Variants in CCDC146 observed in about 807,000 individuals in gnomAD.
The protein encoded by CCDC146 is coiled-coil domain-containing protein 146.
A neutral mutation model predicts 119.3 loss-of-function variants in CCDC146; 92 were observed. The observed-to-expected ratio is 0.77, with a 90% confidence interval of 0.65 to 0.92. CCDC146 has a LOEUF of 0.92. Among genes scored for constraint, CCDC146 ranks in the 40% least tolerant of loss-of-function variants. The probability of loss-of-function intolerance (pLI) is 0.00; values close to 1 mark genes in which losing one functional copy is unlikely to be tolerated. For synonymous variants in CCDC146, 372 were observed against 371.8 expected, an observed-to-expected ratio of 1.00 and a Z score of -0.01; for missense variants, 1,000 against 1,103.0, an observed-to-expected ratio of 0.91 and a Z score of 1.32.
chr7:77,295,004 A>C lies in CCDC146; in HGVS notation c.*138A>C, dbSNP rs1285527174. On this transcript the variant is annotated 3_prime_UTR_variant, in exon 19 of 19. Coordinates refer to ENST00000285871, the MANE Select transcript of CCDC146 (RefSeq NM_020879.3). ...CCACAATTAGTCAGCAACAGAGTAC[A>C]ACAGGGTTTCTATTTACCCACCAAC... is the stretch of plus-strand genomic sequence containing the variant. The C allele has an allele frequency of 4.4e-6, 3 of 679,558 alleles. No homozygotes were observed. The highest frequency in any genetic ancestry group is 4.0e-4 in the Middle Eastern group (1 of 2,470). The allele number at this position is 679,558 out of a possible 1,614,324, so 42.1% of individuals were successfully genotyped here.
chr7:77,267,580 C>G (rs1334534396), intron 9 of CCDC146, among the ~76,000 whole-genome samples: 1 of 151,668 alleles, frequency 6.6e-6, no homozygotes, highest in African/African-American at 2.4e-5. Flanking sequence ...CTTTAGACCC[C>G]TGTTCATCAC....
chr7:77,141,325 G>A (rs539950963), intron 1 of CCDC146, among the ~76,000 whole-genome samples: 3 of 152,222 alleles, frequency 2.0e-5, no homozygotes, highest in East Asian at 3.9e-4. Context: ...TCACTGATGG[G>A]CATTTGGGTT....
At chr7:77,201,679 G>A (rs1230643430) in intron 2 of CCDC146, among the ~76,000 whole-genome samples, 1 of 151,418 alleles carries the variant, frequency 6.6e-6, no homozygotes, top group Non-Finnish European at 1.5e-5. Flanking sequence ...CACACCTTAT[G>A]ACTTTTTTTC....
At chr7:77,157,291 T>C (rs968479865) in intron 1 of CCDC146, among the ~76,000 whole-genome samples, 4 of 128,722 alleles carry the variant, frequency 3.1e-5, no homozygotes, top group Non-Finnish European at 6.5e-5. Context: ...AAACCTGTGC[T>C]TGTTCAATGA....
At chr7:77,195,840 A>T (rs547010243) in intron 2 of CCDC146, 1 of 156,834 alleles carries the variant, frequency 6.4e-6, no homozygotes, top group African/African-American at 2.4e-5. Context: ...TATTTTTAAT[A>T]GAGACAGCGT....
intron 2 of CCDC146, among the ~76,000 whole-genome samples, chr7:77,211,818 G>A (rs1026093732): frequency 2.6e-5 from 4 of 152,026 alleles, no homozygotes; most frequent in African/African-American, 9.7e-5. Context: ...GTTTCACCAT[G>A]TTGGCCAGTC....
At chr7:77,215,361 T>A (rs530754784) in intron 2 of CCDC146, among the ~76,000 whole-genome samples, 3 of 152,056 alleles carry the variant, frequency 2.0e-5, no homozygotes, top group South Asian at 4.1e-4. Context: ...CTTGGGTAGA[T>A]TTTTTGCTTT....
Position 77,280,473 on chromosome 7 carries a change from T to C in CCDC146, c.1739T>C (p.Ile580Thr). ...CTGAAACACGCCAACAATGTTACCA[T>C]CAGAGAGAGCATGCAAAACGATGTG... ...SMLKHANNVT[I>T]RESMQNDVRK... Residue 580 changes from isoleucine (I) to threonine (T), a missense_variant, in exon 14 of 19, where the codon ATC becomes ACC. Coordinates refer to ENST00000285871, the MANE Select transcript of CCDC146 (RefSeq NM_020879.3). The C allele has an allele frequency of 1.2e-6, 2 of 1,614,024 alleles. No homozygotes were observed. The highest frequency in any genetic ancestry group is 1.7e-6 in the Non-Finnish European group (2 of 1,179,990).
intron 2 of CCDC146, among the ~76,000 whole-genome samples, chr7:77,180,294 A>C (rs757140013): frequency 4.0e-4 from 59 of 148,188 alleles, no homozygotes; most frequent in Middle Eastern, 3.4e-3. Flanking sequence ...ACACACACAC[A>C]CCCCATATTT....
At position 77,294,756 on chromosome 7, in the gene CCDC146, A is replaced by C. The variant is rs1183245649; in HGVS notation, c.2758A>C (p.Thr920Pro). ...PNAYIPEADA[T>P]LPLPKPYGAL... ...TGCCTACATCCCAGAAGCAGATGCC[A>C]CTCTTCCTTTGCCAAAACCTTATGG... The change falls in exon 19 of 19, where the codon ACT (threonine) becomes CCT (proline). Residue 920 changes from threonine (T) to proline (P), a missense_variant. This residue lies in a region of CCDC146 where 985 missense variants were observed against 1,045.3 expected (regional missense o/e 0.94). Transcript: ENST00000285871. The C allele has an allele frequency of 1.2e-6, 2 of 1,613,974 alleles. No individual in the cohort carries two copies. Among genetic ancestry groups the C allele is most frequent in the South Asian group, 2.2e-5 (2 of 91,058 alleles).
At chr7:77,292,796 C>T (rs1472755013) in intron 17 of CCDC146, among the ~76,000 whole-genome samples, 156 bp from the exon 18 acceptor site, 2 of 152,126 alleles carry the variant, frequency 1.3e-5, no homozygotes, top group Non-Finnish European at 2.9e-5. Flanking sequence ...TCAATATCTG[C>T]AGTCTCTTCC....
In CCDC146 at chr7:77,241,804, C is replaced by T. The variant is rs201656358; in HGVS notation, c.353C>T (p.Thr118Met). ...QADNFPEAFS[T>M]EVSKMREQLL... ...GATAATTTTCCAGAAGCATTCTCCACGGAGGTCTCCAAAATGAGAGAACAA... is the reference window on the plus strand; with the variant it reads ...GATAATTTTCCAGAAGCATTCTCCATGGAGGTCTCCAAAATGAGAGAACAA... The change falls in exon 4 of 19, where the codon ACG (threonine) becomes ATG (methionine). Residue 118 changes from threonine to methionine, a missense_variant. By Grantham distance (81) the Thr-to-Met change is moderately conservative (BLOSUM62 -1). This residue lies in a region of CCDC146 where 985 missense variants were observed against 1,045.3 expected (regional missense o/e 0.94). Coordinates refer to ENST00000285871, the MANE Select transcript of CCDC146 (RefSeq NM_020879.3). The T allele has an allele frequency of 6.9e-5, 111 of 1,613,806 alleles. No individual in the cohort carries two copies. The highest frequency in any genetic ancestry group is 2.0e-4 in the East Asian group (9 of 44,892).
chr7:77,276,831 G>C lies in CCDC146; in HGVS notation c.1441-1921G>C, dbSNP rs569013874. On this transcript the variant is annotated intron_variant, in intron 11 of 18. Transcript: ENST00000285871. ...CACGCCTGTAATCCCAACACGTTGG[G>C]AGGCCAAGGCGGGTGGATCACCTGA... 1.6e-4 allele frequency among the ~76,000 whole-genome samples: 24 copies of C among 152,314 alleles called. No homozygotes were observed. The South Asian group carries it at 4.8e-3, about 30-fold the overall frequency.
chr7:77,196,853 C>T lies in CCDC146; in HGVS notation c.156+29029C>T, dbSNP rs1791881615. Reference sequence around the variant, plus strand: ...ACGTGCCTGCAGCACTGTCCAGCCTCCCCCCATGGTCTCCATGTCACAGTA... The same window carrying T: ...ACGTGCCTGCAGCACTGTCCAGCCTTCCCCCATGGTCTCCATGTCACAGTA... On this transcript the variant is annotated intron_variant, in intron 2 of 18. Coordinates refer to ENST00000285871, the MANE Select transcript of CCDC146 (RefSeq NM_020879.3). This position sits in a 1 kb window ranked among gnomAD's most constrained non-coding sequence, Gnocchi z 4.2. 1 of 1,613,778 alleles carries T rather than the reference C, an allele frequency of 6.2e-7. No individual in the cohort carries two copies. The highest frequency in any genetic ancestry group is 8.5e-7 in the Non-Finnish European group (1 of 1,179,882).
At chr7:77,128,747 T>C (rs939527814) in intron 1 of CCDC146, among the ~76,000 whole-genome samples, 1 of 152,128 alleles carries the variant, frequency 6.6e-6, no homozygotes, top group Non-Finnish European at 1.5e-5. Context: ...AAGAGAACAC[T>C]GTCTCTCTGA....
intron 2 of CCDC146, 124 bp from the exon 3 acceptor site, chr7:77,236,823 A>C: frequency 1.4e-6 from 1 of 702,570 alleles, no homozygotes; most frequent in South Asian, 1.7e-5. Flanking sequence ...AGTACACTAC[A>C]TTGCCTCGTG....
chr7:77,266,228 A>T (rs953506120), intron 9 of CCDC146, among the ~76,000 whole-genome samples: 1 of 152,164 alleles, frequency 6.6e-6, no homozygotes, highest in African/African-American at 2.4e-5. Context: ...TGAATATGAC[A>T]CTTTCTATAT....
chr7:77,272,720 C>T lies in CCDC146; in HGVS notation c.1174-974C>T, dbSNP rs184793482. 2.5e-3 allele frequency among the ~76,000 whole-genome samples: 375 copies of T among 152,140 alleles called. 2 individuals carry two copies. Among genetic ancestry groups the T allele is most frequent in the Non-Finnish European group, 4.3e-3 (295 of 68,026 alleles). ...CAGCTGCCACATGTCCTCCTCTCTA[C>T]TCTCGTCTTCATCACAAAGAATCTG... On this transcript the variant is annotated intron_variant, in intron 9 of 18. Coordinates refer to ENST00000285871, the MANE Select transcript of CCDC146 (RefSeq NM_020879.3).
At chr7:77,239,895 A>G (rs1447130174) in intron 3 of CCDC146, among the ~76,000 whole-genome samples, 8 of 152,338 alleles carry the variant, frequency 5.3e-5, no homozygotes, top group Middle Eastern at 3.4e-3. Context: ...GTCATAGAAT[A>G]TAACTGGGGT....
Sources: allele counts gnomAD v4.1 joint callset (sites outside exome capture counted in the v4.1 genomes callset), GRCh38; gene constraint gnomAD v4.1.1; regional missense constraint gnomAD v4.1.1; non-coding constraint Gnocchi (gnomAD v3.1); transcripts MANE v1.5; gene names NCBI Gene and HGNC (gene_info 2026-07-23, HGNC 2026-07-21).